UNC5C: variants seen among roughly 807,000 people sequenced by gnomAD.
UNC5C encodes unc-5 netrin receptor C.
UNC5C carries 47 observed loss-of-function variants against 99.8 expected under a neutral mutation model. That is an observed-to-expected ratio of 0.47 (90% CI 0.37 to 0.60). The LOEUF is 0.60. Ranked by LOEUF, UNC5C falls within the 20% of genes least tolerant of loss-of-function variation. The probability of loss-of-function intolerance (pLI) is 0.00; values close to 1 mark genes in which losing one functional copy is unlikely to be tolerated. For synonymous variants in UNC5C, 487 were observed against 452.2 expected (o/e 1.08, Z -0.98); for missense variants, 1,062 against 1,165.9 (o/e 0.91, Z 1.30).
chr4:95,338,400 A>G (rs1743428977), intron 1 of UNC5C, among the ~76,000 whole-genome samples: 2 of 152,082 alleles, frequency 1.3e-5, no homozygotes, highest in Admixed American at 6.6e-5. Flanking sequence ...CTGAAATAAT[A>G]GATGAAAACT....
rs1385448717 is a variant in UNC5C, at chr4:95,336,654, C to G, written c.125-1023G>C. Among the ~76,000 whole-genome samples the G allele has an allele frequency of 4.6e-5, 7 of 151,744 alleles. No individual in the cohort carries two copies. The South Asian group carries it at 1.2e-3, about 27-fold the overall frequency. On this transcript the variant is annotated intron_variant, in intron 1 of 15. Coordinates refer to ENST00000453304, the MANE Select transcript of UNC5C (RefSeq NM_003728.4). ...AAACTGGCTTGGAACTTTTTTCATT[C>G]AAGTCATAAGATAGCTGTCAAATAG...
intron 1 of UNC5C, among the ~76,000 whole-genome samples, chr4:95,511,272 C>A (rs1285900604): frequency 2.1e-5 from 3 of 144,554 alleles, no homozygotes; most frequent in Non-Finnish European, 3.0e-5. Flanking sequence ...TTGTATTTGT[C>A]GGGGGGTTCT....
chr4:95,277,298 A>C (rs1374066266), intron 4 of UNC5C, among the ~76,000 whole-genome samples: 1 of 152,230 alleles, frequency 6.6e-6, no homozygotes, highest in Admixed American at 6.5e-5. Context: ...TAAAACTTTC[A>C]AATGACTCAG....
At chr4:95,413,784 A>G (rs1746079911) in intron 1 of UNC5C, among the ~76,000 whole-genome samples, 1 of 152,214 alleles carries the variant, frequency 6.6e-6, no homozygotes, top group Non-Finnish European at 1.5e-5. Flanking sequence ...AAGAACATAA[A>G]TATTCTATAG....
At chr4:95,286,050 T>C (rs931115584) in intron 3 of UNC5C, among the ~76,000 whole-genome samples, 5 of 152,172 alleles carry the variant, frequency 3.3e-5, no homozygotes, top group South Asian at 2.1e-4. Flanking sequence ...CACAGGGTTA[T>C]ATAGGAAAGG....
At chr4:95,522,866 A>G (rs1017096249) in intron 1 of UNC5C, among the ~76,000 whole-genome samples, 1 of 151,952 alleles carries the variant, frequency 6.6e-6, no homozygotes, top group Non-Finnish European at 1.5e-5. Context: ...CAAACACTCC[A>G]AGATCTGTGG....
rs535046110 is a variant in UNC5C at position 95,176,453 on chromosome 4, C to T, written c.2452-6121G>A. 3.8e-3 allele frequency among the ~76,000 whole-genome samples: 583 copies of T among 152,122 alleles called. 2 individuals carry two copies. The highest frequency in any genetic ancestry group is 5.6e-3 in the Admixed American group (85 of 15,286). ...ATGTCCTTTCTGTTTGTTAGTTTTC[C>T]TTCTAACAGACAGGACCCTCAGCTG... On this transcript the variant is annotated intron_variant, in intron 14 of 15. Transcript: ENST00000453304.
At chr4:95,396,054 G>C (rs1312399234) in intron 1 of UNC5C, among the ~76,000 whole-genome samples, 1 of 152,166 alleles carries the variant, frequency 6.6e-6, no homozygotes, top group Non-Finnish European at 1.5e-5. Context: ...CATCCGGCAG[G>C]CTATCATTAA....
chr4:95,528,936 T>A (rs983167374), intron 1 of UNC5C, among the ~76,000 whole-genome samples: 2 of 152,184 alleles, frequency 1.3e-5, no homozygotes, highest in Non-Finnish European at 2.9e-5. Flanking sequence ...TTACTTGATT[T>A]TTTTTTCTGA....
At chr4:95,437,065 G>GA (rs1179540273) in intron 1 of UNC5C, among the ~76,000 whole-genome samples, 3 of 147,724 alleles carry the variant, frequency 2.0e-5, no homozygotes, top group Admixed American at 6.8e-5. Context: ...GAAATAAAGG[G>GA]AAAAAACCTG....
chr4:95,184,087 G>A (rs1736729561), intron 13 of UNC5C, among the ~76,000 whole-genome samples: 1 of 152,144 alleles, frequency 6.6e-6, no homozygotes, highest in Non-Finnish European at 1.5e-5. Context: ...CAACACAGAG[G>A]AAAGAAGAAA....
At chr4:95,315,242 A>G (rs942810301) in intron 2 of UNC5C, among the ~76,000 whole-genome samples, 1 of 152,144 alleles carries the variant, frequency 6.6e-6, no homozygotes, top group African/African-American at 2.4e-5. Context: ...TGTAACATTT[A>G]GACACCCCCT....
At chr4:95,193,901 G>A (rs1375733000) in intron 12 of UNC5C, among the ~76,000 whole-genome samples, 1 of 152,194 alleles carries the variant, frequency 6.6e-6, no homozygotes, top group Non-Finnish European at 1.5e-5. Flanking sequence ...CTGGCGCCCG[G>A]CCTGGCTTTG....
At chr4:95,379,181 C>T (rs914126921) in intron 1 of UNC5C, among the ~76,000 whole-genome samples, 4 of 152,102 alleles carry the variant, frequency 2.6e-5, no homozygotes, top group African/African-American at 9.7e-5. Context: ...CCCAGAGACT[C>T]CATGCCTCCA....
chr4:95,452,116 T>C (rs894787131), intron 1 of UNC5C, among the ~76,000 whole-genome samples: 3 of 152,228 alleles, frequency 2.0e-5, no homozygotes, highest in African/African-American at 7.2e-5. Context: ...GCTTCAATGC[T>C]GATACATTTT....
intron 1 of UNC5C, among the ~76,000 whole-genome samples, chr4:95,431,459 A>G (rs1237197611): frequency 6.6e-6 from 1 of 152,162 alleles, no homozygotes; most frequent in Non-Finnish European, 1.5e-5. Context: ...CTAGAGTGGG[A>G]AATATATTCT....
At chr4:95,267,082 T>C (rs1349702538) in intron 4 of UNC5C, among the ~76,000 whole-genome samples, 2 of 152,200 alleles carry the variant, frequency 1.3e-5, no homozygotes, top group African/African-American at 4.8e-5. Context: ...TTTCCAATAA[T>C]TTTTCTCATG....
At chr4:95,416,212 TCTG>T (rs1746161163) in intron 1 of UNC5C, among the ~76,000 whole-genome samples, 1 of 152,144 alleles carries the variant, frequency 6.6e-6, no homozygotes, top group Non-Finnish European at 1.5e-5. Context: ...CAAGGAAACA[TCTG>T]TCAGTATTAC....
intron 1 of UNC5C, among the ~76,000 whole-genome samples, chr4:95,427,962 C>G (rs1746530446): frequency 6.6e-6 from 1 of 152,064 alleles, no homozygotes; most frequent in Non-Finnish European, 1.5e-5. Flanking sequence ...ATATAATAGG[C>G]CTTCAGCTAT....
Sources: gnomAD v4.1 joint callset for allele counts (sites outside exome capture counted in the v4.1 genomes callset) on GRCh38, gnomAD v4.1.1 for gene constraint, MANE v1.5 for transcripts, NCBI Gene and HGNC (gene_info 2026-07-23, HGNC 2026-07-21) for gene names.